PPM1E: variants seen among roughly 807,000 people sequenced by gnomAD.
PPM1E encodes the protein protein phosphatase, Mg2+/Mn2+ dependent 1E.
Under a neutral mutation model 65.9 loss-of-function variants are expected in PPM1E, and 20 were observed. The observed-to-expected ratio is 0.30, with a 90% CI of 0.21 to 0.44. The LOEUF is 0.44. Ranked by LOEUF, PPM1E falls within the 20% of genes least tolerant of loss-of-function variation. The pLI, the probability that PPM1E is intolerant of heterozygous loss-of-function variation, is 1.00. For missense variants in PPM1E, 713 were observed against 953.1 expected, an observed-to-expected ratio of 0.75 and a Z score of 3.32; for synonymous variants, 352 against 374.9, an observed-to-expected ratio of 0.94 and a Z score of 0.70.
At chr17:58,778,341 C>G (rs933130663) in intron 1 of PPM1E, among the ~76,000 whole-genome samples, 1 of 151,284 alleles carries the variant, frequency 6.6e-6, no homozygotes. Context: ...CTCAGGTGAT[C>G]CACCTGCCTT....
chr17:58,823,968 G>A (rs535285753), intron 1 of PPM1E, among the ~76,000 whole-genome samples: 42 of 152,116 alleles, frequency 2.8e-4, no homozygotes, highest in African/African-American at 1.0e-3. Flanking sequence ...CTGACCTCGT[G>A]ATCTGCCTGC....
chr17:58,784,504 CTTT>C (rs34002789), intron 1 of PPM1E, among the ~76,000 whole-genome samples: 1 of 137,182 alleles, frequency 7.3e-6, no homozygotes, highest in Non-Finnish European at 1.6e-5. Flanking sequence ...CCCCCCACCA[CTTT>C]TTTTTTTTTT....
intron 1 of PPM1E, among the ~76,000 whole-genome samples, chr17:58,805,949 TA>T (rs1163979989): frequency 8.3e-4 from 18 of 21,660 alleles, no homozygotes; most frequent in African/African-American, 3.1e-3. Context: ...GCTGTTCTGC[TA>T]AAAAAAAAAA....
Position 58,852,395 on chromosome 17 carries a change from C to A in PPM1E, c.464+95934C>A, listed in dbSNP as rs147642733. Among the ~76,000 whole-genome samples the A allele has an allele frequency of 5.8e-3, 882 of 152,194 alleles. 4 individuals are homozygous for A. The highest frequency in any genetic ancestry group is 9.5e-3 in the African/African-American group (394 of 41,532). On this transcript the variant is annotated intron_variant, in intron 1 of 6. Transcript: ENST00000308249. ...CTGTTCTTATTTGGCCATCTTGGAA[C>A]CCTTATTTTACATTTTCAACAGTGC...
intron 1 of PPM1E, among the ~76,000 whole-genome samples, chr17:58,875,019 CTTTTA>C (rs2051113246): frequency 6.6e-6 from 1 of 152,074 alleles, no homozygotes. Flanking sequence ...GGTGTGTGTC[CTTTTA>C]ACTCATAAAA....
chr17:58,882,466 C>T (rs2051207015), intron 1 of PPM1E, among the ~76,000 whole-genome samples: 1 of 152,110 alleles, frequency 6.6e-6, no homozygotes. Flanking sequence ...TCCCGGCTCA[C>T]TGCAACGTCT....
intron 1 of PPM1E, among the ~76,000 whole-genome samples, chr17:58,905,923 A>G (rs2051553412): frequency 6.6e-6 from 1 of 152,324 alleles, no homozygotes; most frequent in South Asian, 2.1e-4. Context: ...AATATTTGGT[A>G]GAATTCTCCA....
At chr17:58,767,488 A>G (rs1257859038) in intron 1 of PPM1E, among the ~76,000 whole-genome samples, 1 of 152,178 alleles carries the variant, frequency 6.6e-6, no homozygotes, top group African/African-American at 2.4e-5. Context: ...GATTACTGCC[A>G]TTTGCTTAGC....
intron 1 of PPM1E, among the ~76,000 whole-genome samples, chr17:58,881,586 C>T (rs969461955): frequency 5.9e-5 from 9 of 151,988 alleles, no homozygotes; most frequent in East Asian, 1.9e-4. Context: ...TGCCTGAACC[C>T]GGGAGGTGGA....
chr17:58,934,483 A>G (rs2051949748), intron 1 of PPM1E, among the ~76,000 whole-genome samples: 2 of 152,216 alleles, frequency 1.3e-5, no homozygotes, highest in Admixed American at 1.3e-4. Context: ...GCTTAAACAT[A>G]TATAAATCAG....
chr17:58,890,508 T>G (rs2051331759), intron 1 of PPM1E, among the ~76,000 whole-genome samples: 1 of 152,200 alleles, frequency 6.6e-6, no homozygotes, highest in South Asian at 2.1e-4. Context: ...TTTACCACTC[T>G]GTACATGTCC....
At chr17:58,909,924 C>CTTTTTTTTTTTTTTTTTTTTTTTCTTTTT (rs35833275) in intron 1 of PPM1E, among the ~76,000 whole-genome samples, 1 of 90,038 alleles carries the variant, frequency 1.1e-5, no homozygotes, top group Non-Finnish European at 2.1e-5. Context: ...TTTTCTTTTT[C>CTTTTTTTTTTTTTTTTTTTTTTTCTTTTT]TTTTTTTTTT....
At chr17:58,890,638 C>T (rs1333793794) in intron 1 of PPM1E, among the ~76,000 whole-genome samples, 1 of 152,112 alleles carries the variant, frequency 6.6e-6, no homozygotes, top group Non-Finnish European at 1.5e-5. Flanking sequence ...TGTATATAAA[C>T]ATACACACAT....
chr17:58,795,165 T>G (rs1187427598), intron 1 of PPM1E, among the ~76,000 whole-genome samples: 1 of 152,162 alleles, frequency 6.6e-6, no homozygotes, highest in African/African-American at 2.4e-5. Flanking sequence ...GTGCTGAGAT[T>G]ACAGGCATGA....
rs935918143 is a variant in PPM1E at position 58,975,131 on chromosome 17, A to G, written c.1210+2206A>G. Among the ~76,000 whole-genome samples the G allele has an allele frequency of 7.9e-5, 12 of 152,288 alleles. No homozygotes were observed. The South Asian group carries it at 1.9e-3, about 24-fold the overall frequency. ...AATCACCGAACCAGAGGACTATACT[A>G]TCTGTGGAACCAATTTACGTTAATG... On this transcript the variant is annotated intron_variant, in intron 6 of 6. Coordinates refer to ENST00000308249, the MANE Select transcript of PPM1E (RefSeq NM_014906.5).
At chr17:58,893,319 C>G (rs922594417) in intron 1 of PPM1E, among the ~76,000 whole-genome samples, 16 of 152,068 alleles carry the variant, frequency 1.1e-4, no homozygotes, top group African/African-American at 3.9e-4. Flanking sequence ...ATGGAGTAAG[C>G]TTAAATGCAT....
intron 1 of PPM1E, among the ~76,000 whole-genome samples, chr17:58,873,565 G>GTAT (rs140125879): frequency 0.22 from 30,111 of 139,784 alleles, 3,360 homozygotes; most frequent in Admixed American, 0.29. Context: ...AATGCTCATA[G>GTAT]TATTATTATT....
chr17:58,957,461 C>T (rs1160763797), intron 2 of PPM1E, among the ~76,000 whole-genome samples: 2 of 152,088 alleles, frequency 1.3e-5, no homozygotes, highest in African/African-American at 2.4e-5. Context: ...CAAGAGATTA[C>T]CTAATAATGT....
At chr17:58,971,352 A>G (rs2030607806) in intron 4 of PPM1E, among the ~76,000 whole-genome samples, 1 of 152,078 alleles carries the variant, frequency 6.6e-6, no homozygotes, top group African/African-American at 2.4e-5. Flanking sequence ...CCCCTGACGC[A>G]TTGGTTCTAA....
Sources: allele counts gnomAD v4.1 joint callset (sites outside exome capture counted in the v4.1 genomes callset), GRCh38; gene constraint gnomAD v4.1.1; transcripts MANE v1.5; gene names NCBI Gene and HGNC (gene_info 2026-07-23, HGNC 2026-07-21).